GPHN: variants seen among roughly 807,000 people sequenced by gnomAD.
GPHN encodes the protein gephyrin.
GPHN carries 17 observed loss-of-function variants against 95.5 expected under a neutral mutation model. That is an observed-to-expected ratio of 0.18 (90% CI 0.12 to 0.27). The LOEUF is 0.27. Among genes scored for constraint, GPHN ranks in the 10% least tolerant of loss-of-function variants. The probability of loss-of-function intolerance (pLI) is 1.00; values close to 1 mark genes in which losing one functional copy is unlikely to be tolerated. For synonymous variants in GPHN, 320 were observed against 322.5 expected (o/e 0.99, Z 0.08); for missense variants, 660 against 978.1 (o/e 0.67, Z 4.34).
intron 1 of GPHN, among the ~76,000 whole-genome samples, chr14:66,561,302 T>C (rs2060230546): frequency 6.6e-6 from 1 of 152,174 alleles, no homozygotes; most frequent in Non-Finnish European, 1.5e-5. Context: ...ATTGGAATAG[T>C]TTCAGAAGGA....
chr14:66,554,471 C>A (rs890574740), intron 1 of GPHN, among the ~76,000 whole-genome samples: 1 of 152,000 alleles, frequency 6.6e-6, no homozygotes, highest in South Asian at 2.1e-4. Context: ...ATAATCGTGG[C>A]GGAAGGCAAA....
chr14:66,843,515 G>GC (rs1479490259), intron 4 of GPHN, among the ~76,000 whole-genome samples: 2 of 152,134 alleles, frequency 1.3e-5, no homozygotes, highest in African/African-American at 2.4e-5. Context: ...ACCTATGGCT[G>GC]CCCCATTAAT....
intron 4 of GPHN, among the ~76,000 whole-genome samples, chr14:66,844,250 A>T (rs1226429344): frequency 1.3e-5 from 2 of 152,164 alleles, no homozygotes; most frequent in African/African-American, 4.8e-5. Context: ...TATGTTGGGT[A>T]AACCTTTGAA....
At chr14:67,059,786 G>T (rs1238954708) in intron 11 of GPHN, among the ~76,000 whole-genome samples, 1 of 152,112 alleles carries the variant, frequency 6.6e-6, no homozygotes, top group Admixed American at 6.5e-5. Flanking sequence ...TATACAGTTT[G>T]CCCTTATCCT....
chr14:66,539,018 C>T (rs1215250043), intron 1 of GPHN, among the ~76,000 whole-genome samples: 1 of 152,086 alleles, frequency 6.6e-6, no homozygotes, highest in Non-Finnish European at 1.5e-5. Flanking sequence ...TTTAGTCTAT[C>T]TCTGGTTTGT....
the GPHN span, among the ~76,000 whole-genome samples, chr14:67,451,160 C>T: frequency 6.6e-6 from 1 of 152,216 alleles, no homozygotes; most frequent in Admixed American, 6.5e-5. Context: ...GGACCCTCCT[C>T]CTAGATTTCA....
At chr14:66,726,666 A>G (rs2071267965) in intron 2 of GPHN, among the ~76,000 whole-genome samples, 1 of 152,220 alleles carries the variant, frequency 6.6e-6, no homozygotes, top group Non-Finnish European at 1.5e-5. Flanking sequence ...CAGTTATCAG[A>G]ATAACAAAGT....
At chr14:67,560,042 T>C in the GPHN span, among the ~76,000 whole-genome samples, 1 of 152,240 alleles carries the variant, frequency 6.6e-6, no homozygotes, top group Non-Finnish European at 1.5e-5. Flanking sequence ...TATTTATTTA[T>C]TGGAGACAGA....
intron 10 of GPHN, among the ~76,000 whole-genome samples, chr14:67,050,797 T>C (rs568958672): frequency 2.0e-5 from 3 of 151,960 alleles, no homozygotes; most frequent in East Asian, 1.9e-4. Flanking sequence ...TCACTAGGAC[T>C]GACCAGGCAG....
At chr14:66,762,720 C>T (rs992568060) in intron 2 of GPHN, among the ~76,000 whole-genome samples, 1 of 152,112 alleles carries the variant, frequency 6.6e-6, no homozygotes, top group African/African-American at 2.4e-5. Context: ...TAGAAATGCT[C>T]AGTAGATTCT....
At chr14:67,623,678 A>T in the GPHN span, among the ~76,000 whole-genome samples, 1 of 151,180 alleles carries the variant, frequency 6.6e-6, no homozygotes, top group East Asian at 2.0e-4. Context: ...AGTAGCTGGG[A>T]TTACAGGTGC....
chr14:66,952,266 CAT>C (rs1167256704), intron 8 of GPHN, among the ~76,000 whole-genome samples: 1 of 152,188 alleles, frequency 6.6e-6, no homozygotes, highest in Non-Finnish European at 1.5e-5. Context: ...TTGGACATAA[CAT>C]ATAAATGCAA....
intron 3 of GPHN, among the ~76,000 whole-genome samples, chr14:66,800,356 T>G (rs1007475087): frequency 3.9e-5 from 6 of 152,148 alleles, no homozygotes; most frequent in Non-Finnish European, 7.4e-5. Context: ...GTACTTCGTT[T>G]AGCGTGTCTT....
intron 9 of GPHN, among the ~76,000 whole-genome samples, chr14:67,022,571 GT>G (rs2073705925): frequency 1.2e-5 from 1 of 80,546 alleles, no homozygotes. Context: ...TTTTTTTGGT[GT>G]GTGTGTGTGT....
chr14:66,726,495 C>G (rs1319992001), intron 2 of GPHN, among the ~76,000 whole-genome samples: 5 of 152,098 alleles, frequency 3.3e-5, no homozygotes, highest in Non-Finnish European at 1.5e-5. Context: ...ATTGCATTTG[C>G]TAGAGCAGTC....
At chr14:67,383,850 G>T in the GPHN span, 1 of 238,696 alleles carries the variant, frequency 4.2e-6, no homozygotes, top group Non-Finnish European at 8.4e-6. Flanking sequence ...ATAAATTTCT[G>T]GGATATTTAA....
At chr14:66,960,225 C>A (rs769959687) in intron 8 of GPHN, among the ~76,000 whole-genome samples, 6 of 150,442 alleles carry the variant, frequency 4.0e-5, no homozygotes, top group Non-Finnish European at 8.9e-5. Context: ...TTTGTCTAGT[C>A]AGCTCAGTGT....
At chr14:67,499,921 C>T in the GPHN span, among the ~76,000 whole-genome samples, 66 of 152,178 alleles carry the variant, frequency 4.3e-4, no homozygotes, top group African/African-American at 1.4e-3. Context: ...CTGGGGGCTG[C>T]GGATTAAGGA....
At chr14:67,496,142 T>C in the GPHN span, among the ~76,000 whole-genome samples, 1 of 152,272 alleles carries the variant, frequency 6.6e-6, no homozygotes, top group Non-Finnish European at 1.5e-5. Context: ...TGAGCTGAGA[T>C]GGTGCCACTG....
Sources: gnomAD v4.1 joint callset for allele counts (sites outside exome capture counted in the v4.1 genomes callset) on GRCh38, gnomAD v4.1.1 for gene constraint, MANE v1.5 for transcripts, NCBI Gene and HGNC (gene_info 2026-07-23, HGNC 2026-07-21) for gene names.